FBXO21: variants seen among roughly 807,000 people sequenced by gnomAD.
FBXO21 encodes F-box only protein 21.
In FBXO21, 32 loss-of-function variants were observed where a neutral mutation model predicts 76.6. The ratio of observed to expected loss-of-function variants is 0.42; its 90% CI spans 0.32 to 0.56. FBXO21 has a LOEUF of 0.56. Ranked by LOEUF, FBXO21 falls within the 20% of genes least tolerant of loss-of-function variation. The probability of loss-of-function intolerance (pLI) is 0.16; values close to 1 mark genes in which losing one functional copy is unlikely to be tolerated. For synonymous variants in FBXO21, 328 were observed against 311.5 expected (o/e 1.05, Z -0.56); for missense variants, 586 against 797.3 (o/e 0.73, Z 3.19).
chr12:117,161,623 C>T (rs548754816), intron 9 of FBXO21, among the ~76,000 whole-genome samples: 2 of 152,160 alleles, frequency 1.3e-5, no homozygotes, highest in African/African-American at 2.4e-5. Context: ...GACTTTCACC[C>T]GTCTGGGAGA....
intron 7 of FBXO21, among the ~76,000 whole-genome samples, chr12:117,169,449 C>T (rs1956094635): frequency 6.6e-6 from 1 of 151,816 alleles, no homozygotes; most frequent in African/African-American, 2.4e-5. Context: ...CACATGTACA[C>T]CTGAACTTAA....
At chr12:117,187,444 A>AG (rs1956294992) in intron 2 of FBXO21, among the ~76,000 whole-genome samples, 2 of 146,492 alleles carry the variant, frequency 1.4e-5, no homozygotes, top group South Asian at 2.3e-4. Flanking sequence ...AAAAAAAAAA[A>AG]AAGATCTTCT....
chr12:117,180,475 CTA>C (rs1468754597), intron 3 of FBXO21, among the ~76,000 whole-genome samples: 4 of 152,206 alleles, frequency 2.6e-5, no homozygotes, highest in African/African-American at 9.7e-5. Flanking sequence ...TATCTTATAT[CTA>C]TGTCTTCTTT....
At chr12:117,188,802 C>G (rs1268688178) in intron 2 of FBXO21, 1 of 183,288 alleles carries the variant, frequency 5.5e-6, no homozygotes, top group Non-Finnish European at 1.2e-5. Context: ...ACCTGCAAAG[C>G]CAGAGAGAAG....
chr12:117,150,956 TTGTGTGTGTGTGTGTGTGTGTGTGTG>T (rs3999685), intron 11 of FBXO21, among the ~76,000 whole-genome samples: 10 of 94,652 alleles, frequency 1.1e-4, no homozygotes, highest in South Asian at 3.9e-4. Context: ...TCAAATAAGT[TTGTGTGTGTGTGTGTGTGTGTGTGTG>T]TGTGTGTGTG....
rs763453150 is a variant in FBXO21, at chr12:117,155,800, C to T, written c.1666G>A (p.Ala556Thr). 2 of 1,613,356 alleles carry T rather than the reference C, an allele frequency of 1.2e-6. No individual in the cohort carries two copies. The highest frequency in any genetic ancestry group is 1.7e-6 in the Non-Finnish European group (2 of 1,179,642). The change falls in exon 11 of 12, where the codon GCA becomes ACA. Residue 556 changes from alanine (A) to threonine (T), a missense_variant. By Grantham distance (58) the Ala-to-Thr change is moderately conservative. Around this residue, in one of 6 missense-constraint regions of FBXO21, gnomAD observed 164 missense variants for 236.7 expected, o/e 0.69. Coordinates refer to ENST00000622495, the MANE Select transcript of FBXO21 (RefSeq NM_015002.3). ...GGAACCCGCCGCTTACCTTGGGCTG[C>T]GTATCGACAGGAGCCGTCCTCCACC... is the stretch of plus-strand genomic sequence containing the variant. Reference protein sequence around the residue: ...VLVEDGSCRYAAQENLEYNVE... With the variant: ...VLVEDGSCRYTAQENLEYNVE...
chr12:117,157,824 C>A, intron 10 of FBXO21, 49 bp downstream of exon 10: 1 of 1,503,380 alleles, frequency 6.7e-7, no homozygotes, highest in East Asian at 2.3e-5. Context: ...TGTGTCTCTG[C>A]AGCCCCTCTG....
intron 3 of FBXO21, among the ~76,000 whole-genome samples, chr12:117,180,318 G>A (rs796576411): frequency 2.6e-5 from 4 of 152,188 alleles, no homozygotes; most frequent in East Asian, 1.9e-4. Flanking sequence ...GCAAACAGAC[G>A]TAGGAAGCCT....
chr12:117,188,877 T>C (rs74357752), intron 2 of FBXO21: 2,501 of 237,274 alleles, frequency 0.011, 69 homozygotes, highest in African/African-American at 0.053. Flanking sequence ...TGTTCAATCA[T>C]TGATGATTCC....
At chr12:117,171,968 G>T (rs1956122241) in intron 7 of FBXO21, among the ~76,000 whole-genome samples, 2 of 152,280 alleles carry the variant, frequency 1.3e-5, no homozygotes, top group East Asian at 3.9e-4. Context: ...CTTGCCTGAA[G>T]GGGAACGTGG....
chr12:117,148,660 G>A (rs1236913017), intron 11 of FBXO21, among the ~76,000 whole-genome samples: 2 of 152,210 alleles, frequency 1.3e-5, no homozygotes, highest in Non-Finnish European at 2.9e-5. Flanking sequence ...CTGCTGTTGC[G>A]TGGGCTGCCC....
chr12:117,158,168 G>T, intron 9 of FBXO21, 105 bp from the exon 10 acceptor site: 1 of 1,334,928 alleles, frequency 7.5e-7, no homozygotes. Flanking sequence ...CAAAGCAAAG[G>T]ACCAAAAGGG....
At position 117,145,289 on chromosome 12, in the gene FBXO21, A is replaced by G. The variant is rs767153142; in HGVS notation, c.*798T>C. The G allele has an allele frequency of 6.6e-6, 1 of 152,112 alleles. No individual in the cohort carries two copies. Among genetic ancestry groups the G allele is most frequent in the Non-Finnish European group, 1.5e-5 (1 of 68,014 alleles). 9.4% of individuals were successfully genotyped at this position (152,112 alleles called of 1,614,324 possible). A position where few individuals can be genotyped will look rare whatever the true frequency, so the allele number is the denominator to read the frequency against. ...TAAAAAATAAAAGTAGTCATTTAAA[A>G]TGGAGGAATTGTAGATGAGTATGGA... On this transcript the variant is annotated 3_prime_UTR_variant, in exon 12 of 12. Transcript: ENST00000622495.
At chr12:117,183,524 G>A (rs1430468575) in intron 3 of FBXO21, among the ~76,000 whole-genome samples, 2 of 152,212 alleles carry the variant, frequency 1.3e-5, no homozygotes, top group Admixed American at 6.5e-5. Context: ...CTCCCAAAGT[G>A]CTGGGATTAC....
intron 4 of FBXO21, among the ~76,000 whole-genome samples, chr12:117,176,415 T>C (rs1956174256): frequency 6.6e-6 from 1 of 152,164 alleles, no homozygotes; most frequent in Admixed American, 6.5e-5. Context: ...ATGGCCTGGC[T>C]GGAGCAAATG....
chr12:117,176,300 G>C (rs914224007), intron 4 of FBXO21, among the ~76,000 whole-genome samples: 1 of 152,194 alleles, frequency 6.6e-6, no homozygotes, highest in Non-Finnish European at 1.5e-5. Context: ...GGCTTGAGCT[G>C]AATTATGGAG....
intron 9 of FBXO21, among the ~76,000 whole-genome samples, chr12:117,159,642 G>T (rs1312190084): frequency 1.3e-5 from 2 of 152,184 alleles, no homozygotes; most frequent in African/African-American, 4.8e-5. Flanking sequence ...GACACTCGCA[G>T]ATTTACCCTT....
At chr12:117,185,831 T>A (rs1592898931) in intron 3 of FBXO21, among the ~76,000 whole-genome samples, 1 of 152,296 alleles carries the variant, frequency 6.6e-6, no homozygotes, top group East Asian at 1.9e-4. Flanking sequence ...TGATAGTAAG[T>A]GGAGAGGTAA....
intron 4 of FBXO21, among the ~76,000 whole-genome samples, chr12:117,175,492 G>A (rs1418289571): frequency 2.0e-5 from 3 of 152,186 alleles, no homozygotes; most frequent in Non-Finnish European, 4.4e-5. Context: ...GGAAGCTCTC[G>A]AGTCACCTTA....
Sources: gnomAD v4.1 joint callset for allele counts (sites outside exome capture counted in the v4.1 genomes callset) on GRCh38, gnomAD v4.1.1 for gene constraint, gnomAD v4.1.1 regional missense constraint, MANE v1.5 for transcripts, NCBI Gene and HGNC (gene_info 2026-07-23, HGNC 2026-07-21) for gene names.